EPB41L2: variants seen among roughly 807,000 people sequenced by gnomAD.
The protein encoded by EPB41L2 is band 4.1-like protein 2.
Under a neutral mutation model 113.0 loss-of-function variants are expected in EPB41L2, and 43 were observed. That is an observed-to-expected ratio of 0.38 (90% CI 0.30 to 0.49). EPB41L2 has a LOEUF of 0.49. EPB41L2 is among the 20% of genes least tolerant of loss of function. The pLI, the probability that EPB41L2 is intolerant of heterozygous loss-of-function variation, is 0.95. For missense variants in EPB41L2, 1,147 were observed against 1,223.4 expected, an observed-to-expected ratio of 0.94 and a Z score of 0.93; for synonymous variants, 442 against 436.7, an observed-to-expected ratio of 1.01 and a Z score of -0.15.
chr6:130,958,278 C>G lies in EPB41L2; in HGVS notation c.-14-1779G>C, dbSNP rs572498945. ...ACCATCCTGGCCAACATGGCGAAAC[C>G]CCATCTCTACTAAAAATACAAAACT... On this transcript the variant is annotated intron_variant, in intron 1 of 19. Coordinates refer to ENST00000337057, the MANE Select transcript of EPB41L2 (RefSeq NM_001431.4). Among the ~76,000 whole-genome samples, 17 of 152,170 alleles carry G rather than the reference C, an allele frequency of 1.1e-4. No individual in the cohort carries two copies. The South Asian group carries it at 2.9e-3, about 26-fold the overall frequency.
chr6:131,011,399 G>A (rs1786937120), intron 1 of EPB41L2, among the ~76,000 whole-genome samples: 1 of 152,216 alleles, frequency 6.6e-6, no homozygotes, highest in South Asian at 2.1e-4. Context: ...AAGAACTTCT[G>A]AGGTAATAAA....
intron 1 of EPB41L2, among the ~76,000 whole-genome samples, chr6:130,967,463 T>C (rs1003950738): frequency 6.7e-6 from 1 of 149,588 alleles, no homozygotes; most frequent in Non-Finnish European, 1.5e-5. Flanking sequence ...CCGGTGCATA[T>C]GCAGGCAGCG....
chr6:130,957,645 T>C (rs940718063), intron 1 of EPB41L2, among the ~76,000 whole-genome samples: 4 of 151,322 alleles, frequency 2.6e-5, no homozygotes, highest in African/African-American at 9.7e-5. Flanking sequence ...AAAAAAAAAA[T>C]TGTGTTAACT....
chr6:130,885,603 T>C (rs1790691405), intron 11 of EPB41L2, among the ~76,000 whole-genome samples: 1 of 152,122 alleles, frequency 6.6e-6, no homozygotes, highest in Admixed American at 6.5e-5. Flanking sequence ...AATTACAAGG[T>C]AAGCAGTATT....
intron 1 of EPB41L2, among the ~76,000 whole-genome samples, chr6:131,030,259 CA>C (rs1380804589): frequency 2.6e-5 from 4 of 152,192 alleles, no homozygotes; most frequent in Non-Finnish European, 4.4e-5. Context: ...AGATGGGCTA[CA>C]GGGCCCTCCT....
chr6:130,972,937 CAAAAAAAAA>C (rs57293132), intron 1 of EPB41L2, among the ~76,000 whole-genome samples: 76 of 59,516 alleles, frequency 1.3e-3, no homozygotes, highest in Middle Eastern at 0.012. Flanking sequence ...ACTAAAGATA[CAAAAAAAAA>C]AAAAAAAAAA....
At chr6:130,987,100 A>G (rs1478621143) in intron 1 of EPB41L2, among the ~76,000 whole-genome samples, 1 of 152,128 alleles carries the variant, frequency 6.6e-6, no homozygotes, top group Non-Finnish European at 1.5e-5. Context: ...TTCTATGGCT[A>G]TATCAGAGGG....
intron 1 of EPB41L2, among the ~76,000 whole-genome samples, chr6:130,973,066 C>G (rs1247264172): frequency 6.6e-6 from 1 of 151,428 alleles, no homozygotes; most frequent in Non-Finnish European, 1.5e-5. Flanking sequence ...GAGCCGAGAT[C>G]GTGCCATTGC....
chr6:130,957,148 C>T (rs1005172456), intron 1 of EPB41L2, among the ~76,000 whole-genome samples: 2 of 152,286 alleles, frequency 1.3e-5, no homozygotes, highest in East Asian at 3.9e-4. Flanking sequence ...CTAATCAAAA[C>T]TCCGAACCTC....
At chr6:130,959,022 A>G (rs961234794) in intron 1 of EPB41L2, among the ~76,000 whole-genome samples, 2 of 152,220 alleles carry the variant, frequency 1.3e-5, no homozygotes, top group African/African-American at 4.8e-5. Context: ...ACGATGGTCT[A>G]TATATACTAC....
At chr6:131,044,172 T>C (rs1208558108) in intron 1 of EPB41L2, among the ~76,000 whole-genome samples, 1 of 151,708 alleles carries the variant, frequency 6.6e-6, no homozygotes, top group Non-Finnish European at 1.5e-5. Flanking sequence ...CAGGCACTGG[T>C]CACCATGCCT....
intron 3 of EPB41L2, among the ~76,000 whole-genome samples, chr6:130,947,164 G>T (rs911426833): frequency 6.6e-6 from 1 of 151,894 alleles, no homozygotes; most frequent in Non-Finnish European, 1.5e-5. Flanking sequence ...TTTTTGCTAT[G>T]GATCAGTTTT....
chr6:130,895,391 T>C (rs1357919650), intron 8 of EPB41L2, among the ~76,000 whole-genome samples: 1 of 152,186 alleles, frequency 6.6e-6, no homozygotes, highest in Non-Finnish European at 1.5e-5. Context: ...AATGCATATG[T>C]TCTCAAGCTC....
intron 3 of EPB41L2, among the ~76,000 whole-genome samples, chr6:130,954,353 C>G (rs1583883918): frequency 6.6e-6 from 1 of 152,020 alleles, no homozygotes; most frequent in Non-Finnish European, 1.5e-5. Context: ...GCACCCAGCC[C>G]TAAAACTTTG....
intron 19 of EPB41L2, among the ~76,000 whole-genome samples, chr6:130,845,200 A>C (rs1002135427): frequency 6.6e-6 from 1 of 152,222 alleles, no homozygotes; most frequent in East Asian, 1.9e-4. Flanking sequence ...AGGACTGCTG[A>C]GTCTCTTTAA....
intron 19 of EPB41L2, among the ~76,000 whole-genome samples, chr6:130,856,686 CTA>C (rs1780323725): frequency 1.3e-5 from 2 of 152,186 alleles, no homozygotes; most frequent in Admixed American, 6.5e-5. Flanking sequence ...TGTGGGTTAC[CTA>C]TCTATTGACT....
intron 19 of EPB41L2, among the ~76,000 whole-genome samples, chr6:130,849,636 A>C (rs1778176936): frequency 6.6e-6 from 1 of 152,196 alleles, no homozygotes; most frequent in Non-Finnish European, 1.5e-5. Flanking sequence ...AAAATGGACA[A>C]AGGACACAAA....
intron 1 of EPB41L2, among the ~76,000 whole-genome samples, chr6:131,024,627 G>T (rs1212451416): frequency 6.6e-6 from 1 of 152,064 alleles, no homozygotes; most frequent in Non-Finnish European, 1.5e-5. Context: ...AGGACCGACC[G>T]TGTCTTACTC....
At chr6:130,925,347 C>T (rs1422109060) in intron 4 of EPB41L2, among the ~76,000 whole-genome samples, 1 of 151,874 alleles carries the variant, frequency 6.6e-6, no homozygotes, top group African/African-American at 2.4e-5. Context: ...CACCACCATG[C>T]CCGGCTAATT....
Sources: gnomAD v4.1 joint callset for allele counts (sites outside exome capture counted in the v4.1 genomes callset) on GRCh38, gnomAD v4.1.1 for gene constraint, MANE v1.5 for transcripts, NCBI Gene and HGNC (gene_info 2026-07-23, HGNC 2026-07-21) for gene names.